Variants in RSU1 observed in about 807,000 individuals in gnomAD.
RSU1 encodes the protein rsu-1.
RSU1 carries 26 observed loss-of-function variants against 31.1 expected under a neutral mutation model. The observed-to-expected ratio is 0.84, with a 90% CI of 0.61 to 1.16. The LOEUF is 1.16. RSU1 is among the 50% of genes most tolerant of loss of function. The probability of loss-of-function intolerance (pLI) is 0.00; values close to 1 mark genes in which losing one functional copy is unlikely to be tolerated. For synonymous variants in RSU1, 164 were observed against 136.3 expected, an observed-to-expected ratio of 1.20 and a Z score of -1.41; for missense variants, 320 against 339.1, an observed-to-expected ratio of 0.94 and a Z score of 0.44.
At chr10:16,695,280 G>T (rs1284894802) in intron 7 of RSU1, 125 bp from the exon 8 acceptor site, 6 of 892,556 alleles carry the variant, frequency 6.7e-6, no homozygotes. Flanking sequence ...TGGATCATTT[G>T]ATGTCTTTTA....
At chr10:16,721,468 C>T (rs895366339) in intron 7 of RSU1, 1 of 152,216 alleles carries the variant, frequency 6.6e-6, no homozygotes, top group Non-Finnish European at 1.5e-5. Context: ...CCAACTGCTT[C>T]CAATAGAACA....
chr10:16,677,218 T>C (rs972244437), intron 8 of RSU1, among the ~76,000 whole-genome samples: 4 of 152,176 alleles, frequency 2.6e-5, no homozygotes, highest in African/African-American at 7.2e-5. Flanking sequence ...CAGAACTTGA[T>C]TTCTGGCTTT....
intron 8 of RSU1, among the ~76,000 whole-genome samples, chr10:16,684,540 G>C (rs942512401): frequency 1.3e-5 from 2 of 152,174 alleles, no homozygotes; most frequent in Non-Finnish European, 2.9e-5. Context: ...CACAGAGACA[G>C]AGATACCTAG....
intron 8 of RSU1, among the ~76,000 whole-genome samples, chr10:16,668,587 T>C (rs1835043673): frequency 6.6e-6 from 1 of 152,216 alleles, no homozygotes; most frequent in Non-Finnish European, 1.5e-5. Context: ...TGAAATAGGA[T>C]TTAATTGAAC....
chr10:16,665,893 A>G (rs111619762), intron 8 of RSU1, among the ~76,000 whole-genome samples: 34 of 152,354 alleles, frequency 2.2e-4, no homozygotes, highest in African/African-American at 7.5e-4. Flanking sequence ...CTAGGCTGCT[A>G]TGCAGTTATG....
At chr10:16,640,532 T>A (rs1020178894) in intron 8 of RSU1, among the ~76,000 whole-genome samples, 4 of 152,240 alleles carry the variant, frequency 2.6e-5, no homozygotes, top group African/African-American at 7.2e-5. Context: ...CATGGGCCAC[T>A]GGGCCTGGAA....
intron 4 of RSU1, among the ~76,000 whole-genome samples, chr10:16,757,593 G>C (rs746525872): frequency 2.0e-5 from 3 of 152,224 alleles, no homozygotes; most frequent in Non-Finnish European, 2.9e-5. Flanking sequence ...TGCAATACAG[G>C]TAAGATGGAG....
chr10:16,750,738 C>T (rs1168423677), intron 7 of RSU1, among the ~76,000 whole-genome samples: 1 of 152,112 alleles, frequency 6.6e-6, no homozygotes, highest in Non-Finnish European at 1.5e-5. Context: ...TAGAAGAATT[C>T]ACCTCACACA....
intron 8 of RSU1, among the ~76,000 whole-genome samples, chr10:16,608,741 G>T (rs1470095523): frequency 2.6e-5 from 4 of 151,542 alleles, no homozygotes; most frequent in Admixed American, 2.0e-4. Flanking sequence ...ACATTTTTGA[G>T]TTTTTTGGAA....
chr10:16,723,069 GATAT>G (rs371584733), intron 7 of RSU1: 1 of 149,472 alleles, frequency 6.7e-6, no homozygotes, highest in Admixed American at 6.7e-5. Context: ...TATATCATGT[GATAT>G]ATATATATAC....
At chr10:16,768,628 C>G (rs1236057526) in intron 3 of RSU1, among the ~76,000 whole-genome samples, 1 of 152,200 alleles carries the variant, frequency 6.6e-6, no homozygotes, top group Non-Finnish European at 1.5e-5. Flanking sequence ...CACATCACCC[C>G]AGAGACAAAT....
At chr10:16,604,508 C>T (rs1833768759) in intron 8 of RSU1, among the ~76,000 whole-genome samples, 1 of 152,166 alleles carries the variant, frequency 6.6e-6, no homozygotes, top group Non-Finnish European at 1.5e-5. Flanking sequence ...CCTGCACGGT[C>T]CAGCTTCTGG....
intron 8 of RSU1, among the ~76,000 whole-genome samples, chr10:16,646,223 A>G (rs573956565): frequency 6.6e-6 from 1 of 151,992 alleles, no homozygotes; most frequent in East Asian, 1.9e-4. Context: ...TCTGAGTGAT[A>G]GGAGAAAGCC....
chr10:16,691,887 C>T lies in RSU1; in HGVS notation c.731+3136G>A, dbSNP rs1835561482. ...CCAAGTAGCTGGGATTACAGGCACC[C>T]ACCACCACACTCGGCTAATTTTTGT... On this transcript the variant is annotated intron_variant, in intron 8 of 8. Coordinates refer to ENST00000345264, the MANE Select transcript of RSU1 (RefSeq NM_012425.4). Among the ~76,000 whole-genome samples the T allele has an allele frequency of 2.0e-5, 3 of 152,016 alleles. No individual in the cohort carries two copies. In the South Asian group the frequency reaches 6.2e-4, roughly 32 times the overall value.
intron 8 of RSU1, among the ~76,000 whole-genome samples, chr10:16,599,729 C>T (rs988175401): frequency 6.6e-6 from 1 of 152,262 alleles, no homozygotes; most frequent in African/African-American, 2.4e-5. Context: ...TCTTAGGAAG[C>T]TTCTCTGACG....
At chr10:16,788,296 C>A (rs1837836912) in intron 2 of RSU1, among the ~76,000 whole-genome samples, 1 of 152,186 alleles carries the variant, frequency 6.6e-6, no homozygotes, top group Non-Finnish European at 1.5e-5. Context: ...TCCCACCTTG[C>A]TAGGGACTAC....
At chr10:16,754,752 A>C (rs1377981144) in intron 5 of RSU1, 119 bp downstream of exon 5, 20 of 683,048 alleles carry the variant, frequency 2.9e-5, no homozygotes, top group Non-Finnish European at 5.2e-5. Context: ...GGAGTCTCTA[A>C]AGAAAAAATT....
chr10:16,699,572 TG>T (rs1835746430), intron 7 of RSU1, among the ~76,000 whole-genome samples: 1 of 152,246 alleles, frequency 6.6e-6, no homozygotes, highest in Non-Finnish European at 1.5e-5. Context: ...CACGCTTCAG[TG>T]CGTTGAGTTA....
intron 8 of RSU1, among the ~76,000 whole-genome samples, chr10:16,611,267 C>T (rs74679084): frequency 6.6e-6 from 1 of 152,272 alleles, no homozygotes; most frequent in East Asian, 1.9e-4. Context: ...CCAGGGAAGA[C>T]GGGCTGCAGG....
Sources: gnomAD v4.1 joint callset for allele counts (sites outside exome capture counted in the v4.1 genomes callset) on GRCh38, gnomAD v4.1.1 for gene constraint, MANE v1.5 for transcripts, NCBI Gene and HGNC (gene_info 2026-07-23, HGNC 2026-07-21) for gene names.